NOS1AP: variants seen among roughly 807,000 people sequenced by gnomAD.
The protein encoded by NOS1AP is carboxyl-terminal PDZ ligand of neuronal nitric oxide synthase protein.
Under a neutral mutation model 56.2 loss-of-function variants are expected in NOS1AP, and 21 were observed. That is an observed-to-expected ratio of 0.37 (90% CI 0.26 to 0.54). The LOEUF (loss-of-function observed/expected upper bound fraction) is 0.54. Among genes scored for constraint, NOS1AP ranks in the 20% least tolerant of loss-of-function variants. The pLI is 0.84. For missense variants in NOS1AP, 522 were observed against 657.8 expected (o/e 0.79, Z 2.26); for synonymous variants, 270 against 274.6 (o/e 0.98, Z 0.17).
intron 2 of NOS1AP, among the ~76,000 whole-genome samples, chr1:162,193,696 T>C (rs1651714625): frequency 1.3e-5 from 2 of 152,180 alleles, no homozygotes; most frequent in Non-Finnish European, 2.9e-5. Flanking sequence ...CCCTGAAGAA[T>C]GTCTCCTGAT....
chr1:162,152,863 G>A (rs939129431), intron 1 of NOS1AP, among the ~76,000 whole-genome samples: 1 of 152,122 alleles, frequency 6.6e-6, no homozygotes, highest in African/African-American at 2.4e-5. Context: ...CCGCACAGAT[G>A]TCGCAGTCTT....
At chr1:162,322,861 A>T (rs1175985184) in intron 4 of NOS1AP, among the ~76,000 whole-genome samples, 2 of 152,226 alleles carry the variant, frequency 1.3e-5, no homozygotes, top group African/African-American at 4.8e-5. Flanking sequence ...AAACAATAGT[A>T]ATACGGGTAA....
intron 1 of NOS1AP, among the ~76,000 whole-genome samples, chr1:162,152,909 C>A (rs925850751): frequency 6.6e-6 from 1 of 152,040 alleles, no homozygotes; most frequent in Non-Finnish European, 1.5e-5. Context: ...CTTGGGTAGA[C>A]TTTTAAGTTA....
chr1:162,085,275 G>T (rs1326400655), intron 1 of NOS1AP, among the ~76,000 whole-genome samples: 7 of 152,030 alleles, frequency 4.6e-5, no homozygotes, highest in Non-Finnish European at 1.0e-4. Context: ...TATGTATAAT[G>T]TCTGGAGTTT....
chr1:162,293,577 T>A (rs564842152), intron 3 of NOS1AP, among the ~76,000 whole-genome samples: 1 of 152,236 alleles, frequency 6.6e-6, no homozygotes, highest in Non-Finnish European at 1.5e-5. Context: ...CATGGAGGAC[T>A]TGACATTTGC....
intron 1 of NOS1AP, among the ~76,000 whole-genome samples, chr1:162,082,363 G>A (rs1194128342): frequency 6.6e-6 from 1 of 152,136 alleles, no homozygotes; most frequent in Non-Finnish European, 1.5e-5. Flanking sequence ...GGATGGTTCT[G>A]TGTCTTCACT....
intron 2 of NOS1AP, among the ~76,000 whole-genome samples, chr1:162,259,902 G>T (rs992068693): frequency 6.6e-6 from 1 of 152,092 alleles, no homozygotes; most frequent in African/African-American, 2.4e-5. Context: ...GTACTCTGTT[G>T]TTTTCTCCTA....
chr1:162,096,041 G>A (rs769484946), intron 1 of NOS1AP, among the ~76,000 whole-genome samples: 8 of 152,086 alleles, frequency 5.3e-5, no homozygotes, highest in Non-Finnish European at 7.4e-5. Flanking sequence ...TCTTAATTTT[G>A]TTACTGTTAG....
intron 2 of NOS1AP, among the ~76,000 whole-genome samples, chr1:162,267,728 A>T (rs1654468964): frequency 6.6e-6 from 1 of 152,174 alleles, no homozygotes; most frequent in East Asian, 1.9e-4. Flanking sequence ...GCACTACTGC[A>T]CTCTGGCCTG....
chr1:162,368,728 A>T lies in NOS1AP; in HGVS notation c.*1261A>T, dbSNP rs564233031. 6.6e-6 allele frequency: 1 copy of T among 152,296 alleles called. No homozygotes were observed. The highest frequency in any genetic ancestry group is 1.5e-5 in the Non-Finnish European group (1 of 68,078). The allele number at this position is 152,296 out of a possible 1,614,324, so 9.4% of individuals were successfully genotyped here. ...AAAGCTCCTTTGCTCCTGTAAGGCC[A>T]TAAGTGGCTGTTAACAGATTTTCAA... On this transcript the variant is annotated 3_prime_UTR_variant, in exon 10 of 10. Coordinates refer to ENST00000361897, the MANE Select transcript of NOS1AP (RefSeq NM_014697.3).
intron 2 of NOS1AP, among the ~76,000 whole-genome samples, chr1:162,284,307 A>C (rs1435688424): frequency 6.6e-6 from 1 of 152,158 alleles, no homozygotes; most frequent in African/African-American, 2.4e-5. Context: ...TTCCAACATA[A>C]TTGCAAGTTA....
chr1:162,215,269 C>T lies in NOS1AP; in HGVS notation c.177+60793C>T, dbSNP rs557703088. ...GCCAAGGCCCCGGGGCCGAGTCTTTCTGAGGCTTGCCAGAGCTGAGCCACA... is the reference window on the plus strand; with the variant it reads ...GCCAAGGCCCCGGGGCCGAGTCTTTTTGAGGCTTGCCAGAGCTGAGCCACA... On this transcript the variant is annotated intron_variant, in intron 2 of 9. Transcript: ENST00000361897. Among the ~76,000 whole-genome samples, 6 of 152,350 alleles carry T rather than the reference C, an allele frequency of 3.9e-5. No homozygotes were observed. In the South Asian group the frequency reaches 1.2e-3, roughly 32 times the overall value.
chr1:162,219,623 G>A (rs1439733603), intron 2 of NOS1AP, among the ~76,000 whole-genome samples: 1 of 152,178 alleles, frequency 6.6e-6, no homozygotes. Flanking sequence ...CACAATAACT[G>A]CTGGAGACAA....
chr1:162,271,954 T>A (rs1571179429), intron 2 of NOS1AP, among the ~76,000 whole-genome samples: 2 of 152,276 alleles, frequency 1.3e-5, no homozygotes, highest in East Asian at 3.9e-4. Context: ...GGCATGGCTC[T>A]ATCTAGACTT....
intron 2 of NOS1AP, among the ~76,000 whole-genome samples, chr1:162,158,036 A>C (rs1650042203): frequency 6.6e-6 from 1 of 152,184 alleles, no homozygotes; most frequent in Non-Finnish European, 1.5e-5. Flanking sequence ...ATTAAATTTA[A>C]CTATTTTTAA....
At chr1:162,120,725 C>T (rs372753011) in intron 1 of NOS1AP, among the ~76,000 whole-genome samples, 18 of 152,344 alleles carry the variant, frequency 1.2e-4, no homozygotes, top group African/African-American at 4.3e-4. Flanking sequence ...CTGGGTCCCT[C>T]TCACAACACT....
rs1393040689 is a variant in NOS1AP at position 162,363,752 on chromosome 1, A to G, written c.940-1652A>G. On this transcript the variant is annotated intron_variant, in intron 8 of 9. Transcript: ENST00000361897. ...CAGGAAACAGGGATGAAGACCAAAC[A>G]TGTATTTCACTGTATCACACCTGTT... The G allele has an allele frequency of 6.1e-6, 6 of 977,382 alleles. No homozygotes were observed. The African/African-American group carries it at 7.0e-5, about 11-fold the overall frequency. 60.5% of individuals were successfully genotyped at this position (977,382 alleles called of 1,614,324 possible).
intron 9 of NOS1AP, among the ~76,000 whole-genome samples, chr1:162,366,116 C>T (rs960077797): frequency 6.6e-6 from 1 of 152,116 alleles, no homozygotes; most frequent in African/African-American, 2.4e-5. Context: ...GTTGCCTGGC[C>T]CCTGCTTGAG....
intron 1 of NOS1AP, among the ~76,000 whole-genome samples, chr1:162,104,375 A>T (rs1031663958): frequency 6.6e-6 from 1 of 152,062 alleles, no homozygotes; most frequent in Non-Finnish European, 1.5e-5. Flanking sequence ...GGATCTGACT[A>T]GTATGTGTCT....
Sources: allele counts gnomAD v4.1 joint callset (sites outside exome capture counted in the v4.1 genomes callset), GRCh38; gene constraint gnomAD v4.1.1; transcripts MANE v1.5; gene names NCBI Gene and HGNC (gene_info 2026-07-23, HGNC 2026-07-21).